TPRKB: variants seen among roughly 807,000 people sequenced by gnomAD.
TPRKB encodes the protein EKC/KEOPS complex subunit TPRKB.
A neutral mutation model predicts 17.8 loss-of-function variants in TPRKB; 11 were observed. The ratio of observed to expected loss-of-function variants is 0.62; its 90% confidence interval spans 0.39 to 1.02. The LOEUF (loss-of-function observed/expected upper bound fraction) is 1.02. Among genes scored for constraint, TPRKB ranks in the 50% least tolerant of loss-of-function variants. The pLI, the probability that TPRKB is intolerant of heterozygous loss-of-function variation, is 0.00. For synonymous variants in TPRKB, 71 were observed against 69.5 expected, an observed-to-expected ratio of 1.02 and a Z score of -0.11; for missense variants, 228 against 198.0, an observed-to-expected ratio of 1.15 and a Z score of -0.91.
intron 1 of TPRKB, among the ~76,000 whole-genome samples, chr2:73,735,718 G>A (rs536584957): frequency 5.6e-4 from 85 of 152,234 alleles, no homozygotes; most frequent in South Asian, 2.9e-3. Flanking sequence ...ACTATGTATT[G>A]CAAAAATTTC....
Position 73,734,486 on chromosome 2 carries a change from G to A in TPRKB, c.84C>T (p.Asp28=), listed in dbSNP as rs1671785571. The A allele has an allele frequency of 6.2e-7, 1 of 1,614,032 alleles. No individual in the cohort carries two copies. The change falls in exon 2 of 5, where the codon GAC becomes GAT. Residue 28 remains aspartate (D), a synonymous_variant. Coordinates refer to ENST00000272424, the MANE Select transcript of TPRKB (RefSeq NM_016058.5). ...TGCCTTCCATGGCCTTTCTTCTCAA[G>A]TCTCCCGCATTTTTTACATCTTTAA... The part of the protein sequence containing the change: ...LLFKDVKNAG[D]LRRKAMEGTI...
At chr2:73,731,141 G>A (rs899668599) in intron 3 of TPRKB, 3 of 156,362 alleles carry the variant, frequency 1.9e-5, no homozygotes, top group African/African-American at 7.2e-5. Context: ...CTCATGGCTT[G>A]GCTGCTGAAC....
intron 3 of TPRKB, among the ~76,000 whole-genome samples, chr2:73,731,621 T>C (rs1490725408): frequency 6.6e-6 from 1 of 152,238 alleles, no homozygotes; most frequent in Non-Finnish European, 1.5e-5. Context: ...GTCATTTTTT[T>C]CATGTGCTAC....
intron 1 of TPRKB, among the ~76,000 whole-genome samples, chr2:73,736,284 T>C (rs1671873615): frequency 6.6e-6 from 1 of 152,190 alleles, no homozygotes; most frequent in Non-Finnish European, 1.5e-5. Flanking sequence ...CACATATTTT[T>C]TTAAAATACA....
At chr2:73,731,896 A>G (rs1193784736) in intron 3 of TPRKB, 11 of 270,068 alleles carry the variant, frequency 4.1e-5, no homozygotes, top group Non-Finnish European at 6.9e-5. Context: ...TTCTCAAGCA[A>G]AAATACTTGA....
intron 3 of TPRKB, 127 bp from the exon 4 acceptor site, chr2:73,730,863 T>G: frequency 1.6e-6 from 1 of 606,426 alleles, no homozygotes. Context: ...CAGTTCTCAC[T>G]GCCTACTTTT....
chr2:73,733,590 A>C (rs1478052212), intron 2 of TPRKB, among the ~76,000 whole-genome samples: 1 of 152,030 alleles, frequency 6.6e-6, no homozygotes, highest in Non-Finnish European at 1.5e-5. Flanking sequence ...TTTAAAGATG[A>C]GAAGCTGGAG....
intron 3 of TPRKB, chr2:73,731,887 T>G (rs1010164344): frequency 1.2e-5 from 3 of 260,572 alleles, no homozygotes; most frequent in African/African-American, 6.6e-5. Flanking sequence ...TCTGTCAGCT[T>G]CTCAAGCAAA....
chr2:73,734,244 G>T lies in TPRKB; in HGVS notation c.141+185C>A, dbSNP rs1005308804. Among the ~76,000 whole-genome samples the T allele has an allele frequency of 5.3e-5, 8 of 151,588 alleles. No homozygotes were observed. In the South Asian group the frequency reaches 1.5e-3, roughly 28 times the overall value. ...CTCCCGAGTAGCTGGGATTATAGGCGCCCGCCACCACGCCCAGCTAATTTT... is the reference window on the plus strand; with the variant it reads ...CTCCCGAGTAGCTGGGATTATAGGCTCCCGCCACCACGCCCAGCTAATTTT... On this transcript the variant is annotated intron_variant, in intron 2 of 4. Coordinates refer to ENST00000272424, the MANE Select transcript of TPRKB (RefSeq NM_016058.5).
intron 2 of TPRKB, among the ~76,000 whole-genome samples, chr2:73,733,921 G>A (rs1224603255): frequency 1.3e-5 from 2 of 148,776 alleles, no homozygotes; most frequent in African/African-American, 5.0e-5. Context: ...AGGCTCAAGC[G>A]ATTCTCCTGC....
At chr2:73,731,882 C>G (rs570759248) in intron 3 of TPRKB, 1 of 254,834 alleles carries the variant, frequency 3.9e-6, no homozygotes, top group African/African-American at 2.2e-5. Context: ...AGATTTCTGT[C>G]AGCTTCTCAA....
rs148936316 is a variant in TPRKB, at chr2:73,731,758, G to C, written c.264+405C>G. On this transcript the variant is annotated intron_variant, in intron 3 of 4. Transcript: ENST00000272424. ...GTGTTAAGGACTGTTATAGGTACAA[G>C]CAAGTTCCTGGTATATGAAAAAGAC... 4.5e-3 allele frequency: 739 copies of C among 163,748 alleles called. 5 individuals are homozygous for C. The highest frequency in any genetic ancestry group is 6.7e-3 in the Non-Finnish European group (502 of 74,860). The allele number at this position is 163,748 out of a possible 1,614,324, so 10.1% of individuals were successfully genotyped here.
At position 73,730,599 on chromosome 2, in the gene TPRKB, T is replaced by C; in HGVS notation, c.402A>G (p.Lys134=). ...TAATATTCATTATTTCAGGAAGATT[T>C]TTCAGAGAAACCTGATGACCTTCTA... is the stretch of plus-strand genomic sequence containing the variant. ...SQVEGHQVSL[K]NLPEIMNITE... The change falls in exon 4 of 5, where the codon AAA becomes AAG. Residue 134 remains lysine (K), a synonymous_variant. Coordinates refer to ENST00000272424, the MANE Select transcript of TPRKB (RefSeq NM_016058.5). 1 of 1,590,796 alleles carries C rather than the reference T, an allele frequency of 6.3e-7. No individual in the cohort carries two copies. The highest frequency in any genetic ancestry group is 1.8e-4 in the Middle Eastern group (1 of 5,516).
At chr2:73,730,811 C>G in intron 3 of TPRKB, 75 bp from the exon 4 acceptor site, 2 of 1,088,392 alleles carry the variant, frequency 1.8e-6, no homozygotes, top group Non-Finnish European at 2.5e-6. Flanking sequence ...ATTTCCTGAT[C>G]TGCCTTCTTC....
intron 2 of TPRKB, among the ~76,000 whole-genome samples, chr2:73,734,122 CAG>C (rs1440512137): frequency 7.3e-6 from 1 of 137,924 alleles, no homozygotes; most frequent in African/African-American, 2.8e-5. Flanking sequence ...TTTTTCCAGA[CAG>C]AGTTTTGCTC....
chr2:73,736,863 T>C (rs1671908135), intron 1 of TPRKB, among the ~76,000 whole-genome samples: 1 of 152,184 alleles, frequency 6.6e-6, no homozygotes, highest in South Asian at 2.1e-4. Flanking sequence ...GCCTCTCCTC[T>C]TCTGCTACCG....
Position 73,730,685 on chromosome 2 carries a change from G to C in TPRKB, c.316C>G (p.Leu106Val). 6.4e-7 allele frequency: 1 copy of C among 1,555,836 alleles called. No homozygotes were observed. The highest frequency in any genetic ancestry group is 8.6e-7 in the Non-Finnish European group (1 of 1,159,466). ...TCTCCCTCTTCAATGTAAACAATTAGAATTGAAGTGTCATTTGCTGAGATA... is the reference window on the plus strand; with the variant it reads ...TCTCCCTCTTCAATGTAAACAATTACAATTGAAGTGTCATTTGCTGAGATA... Reference protein sequence around the residue: ...FGISANDTSILIVYIEEGEKQ... With the variant: ...FGISANDTSIVIVYIEEGEKQ... Residue 106 changes from leucine (L) to valine (V), a missense_variant, in exon 4 of 5, where the codon CTA (leucine) becomes GTA (valine). Leu to Val is a conservative substitution (Grantham distance 32, BLOSUM62 1). Transcript: ENST00000272424.
At chr2:73,737,030 G>C (rs1406602824) in intron 1 of TPRKB, among the ~76,000 whole-genome samples, 1 of 152,020 alleles carries the variant, frequency 6.6e-6, no homozygotes, top group Admixed American at 6.6e-5. Context: ...CCAGAACCCC[G>C]GCACTACGGC....
chr2:73,732,330 C>T, intron 2 of TPRKB, 45 bp from the exon 3 acceptor site: 1 of 1,590,892 alleles, frequency 6.3e-7, no homozygotes, highest in African/African-American at 1.4e-5. Flanking sequence ...GGAGAATCTG[C>T]AGTGCCTGAA....
Sources: gnomAD v4.1 joint callset for allele counts (sites outside exome capture counted in the v4.1 genomes callset) on GRCh38, gnomAD v4.1.1 for gene constraint, MANE v1.5 for transcripts, NCBI Gene and HGNC (gene_info 2026-07-23, HGNC 2026-07-21) for gene names.